DPH6: variants seen among roughly 807,000 people sequenced by gnomAD.
DPH6 encodes the protein diphthamine biosynthesis 6.
In DPH6, 33 loss-of-function variants were observed where a neutral mutation model predicts 38.2. That is an observed-to-expected ratio of 0.86 (90% confidence interval 0.65 to 1.15). The LOEUF (loss-of-function observed/expected upper bound fraction) is 1.15. Ranked by LOEUF, DPH6 falls within the 50% of genes most tolerant of loss-of-function variation. The pLI is 0.00. For synonymous variants in DPH6, 108 were observed against 103.0 expected (o/e 1.05, Z -0.30); for missense variants, 325 against 320.0 (o/e 1.02, Z -0.12).
intron 3 of DPH6, among the ~76,000 whole-genome samples, chr15:35,317,065 C>G (rs2052196108): frequency 6.6e-6 from 1 of 152,014 alleles, no homozygotes; most frequent in Non-Finnish European, 1.5e-5. Context: ...TGAGACAAGC[C>G]TGGGCAACAT....
chr15:35,301,012 A>G (rs1206037237), intron 3 of DPH6, among the ~76,000 whole-genome samples: 1 of 152,232 alleles, frequency 6.6e-6, no homozygotes, highest in African/African-American at 2.4e-5. Context: ...GTTATCTGAG[A>G]TTATTTCTTG....
intron 3 of DPH6, among the ~76,000 whole-genome samples, chr15:35,303,810 T>A (rs1035994989): frequency 1.3e-5 from 2 of 151,756 alleles, no homozygotes; most frequent in South Asian, 4.1e-4. Context: ...TAAAGAAGGA[T>A]ACTAATTTTC....
chr15:35,222,522 G>C (rs1262787330), intron 3 of DPH6, among the ~76,000 whole-genome samples: 1 of 152,088 alleles, frequency 6.6e-6, no homozygotes, highest in Admixed American at 6.6e-5. Context: ...GGTCTGGAAG[G>C]GTAGGACAAC....
At chr15:35,172,800 TC>T in the DPH6 span, among the ~76,000 whole-genome samples, 1 of 152,064 alleles carries the variant, frequency 6.6e-6, no homozygotes, top group Admixed American at 6.6e-5. Context: ...CAAGCGATCC[TC>T]CTGCCTCAGC....
At chr15:35,426,888 A>C (rs1037476325) in intron 5 of DPH6, among the ~76,000 whole-genome samples, 2 of 151,482 alleles carry the variant, frequency 1.3e-5, no homozygotes, top group African/African-American at 4.8e-5. Flanking sequence ...AACAACCTTG[A>C]AACAATTCCA....
At chr15:35,416,286 A>G (rs570371588) in intron 5 of DPH6, among the ~76,000 whole-genome samples, 1 of 152,200 alleles carries the variant, frequency 6.6e-6, no homozygotes, top group South Asian at 2.1e-4. Context: ...AACATTTCAC[A>G]TACATGAAAG....
chr15:35,261,182 C>T (rs1004537418), intron 3 of DPH6, among the ~76,000 whole-genome samples: 1 of 152,188 alleles, frequency 6.6e-6, no homozygotes, highest in Non-Finnish European at 1.5e-5. Context: ...TGCAGTTTCA[C>T]CAGCTTTTTA....
chr15:35,339,418 G>T (rs2140875482), intron 3 of DPH6, among the ~76,000 whole-genome samples: 1 of 151,964 alleles, frequency 6.6e-6, no homozygotes, highest in African/African-American at 2.4e-5. Flanking sequence ...TCTGCCTCCT[G>T]GATTCCAGCA....
At chr15:35,376,689 T>A (rs190944042) in intron 7 of DPH6, among the ~76,000 whole-genome samples, 26 of 152,222 alleles carry the variant, frequency 1.7e-4, no homozygotes, top group Admixed American at 5.2e-4. Context: ...ATTTAAAAAA[T>A]TTTTTATATC....
intron 3 of DPH6, among the ~76,000 whole-genome samples, chr15:35,499,067 C>A (rs1483262621): frequency 6.6e-6 from 1 of 151,932 alleles, no homozygotes; most frequent in African/African-American, 2.4e-5. Flanking sequence ...CATACTGCAA[C>A]CTCCTAGAGT....
rs181438674 is a variant in DPH6 at position 35,290,260 on chromosome 15, G to A, written n.201-69678C>T. Among the ~76,000 whole-genome samples, 23 of 152,312 alleles carry A rather than the reference G, an allele frequency of 1.5e-4. No homozygotes were observed. In the East Asian group the frequency reaches 4.2e-3, roughly 28 times the overall value. ...AGGTATTACAAAGAAGAGACAGGAA[G>A]ATCTTTAGCTTTCTACTTTACTTCC... On this transcript the variant is annotated intron_variant and non_coding_transcript_variant, in intron 3 of 3. Coordinates refer to the DPH6 transcript ENST00000560386.
intron 3 of DPH6, among the ~76,000 whole-genome samples, chr15:35,262,756 AT>A (rs1214578766): frequency 6.8e-6 from 1 of 146,604 alleles, no homozygotes; most frequent in Non-Finnish European, 1.5e-5. Context: ...ATGAATAGCC[AT>A]TTAGGTAAGA....
rs565057479 is a variant in DPH6, at chr15:35,484,881, A to G, written c.313-30061T>C. Among the ~76,000 whole-genome samples, 138 of 152,350 alleles carry G rather than the reference A, an allele frequency of 9.1e-4. 1 individual carries two copies. Among genetic ancestry groups the G allele is most frequent in the African/African-American group, 3.2e-3 (132 of 41,588 alleles). On this transcript the variant is annotated intron_variant, in intron 3 of 8. Coordinates refer to ENST00000256538, the MANE Select transcript of DPH6 (RefSeq NM_080650.4). ...AAACCTTTCATAATAAAACGTTTAA[A>G]TAGAAAGAGAAAATACTATTCTATT...
At chr15:35,180,692 G>C in the DPH6 span, among the ~76,000 whole-genome samples, 1 of 151,676 alleles carries the variant, frequency 6.6e-6, no homozygotes, top group African/African-American at 2.4e-5. Flanking sequence ...TGTTGCCCAG[G>C]CTGTGGACTG....
chr15:35,327,581 G>A (rs113545594), downstream of DPH6, among the ~76,000 whole-genome samples: 6 of 152,084 alleles, frequency 3.9e-5, no homozygotes, highest in East Asian at 1.9e-4. Flanking sequence ...TGCTGACCTC[G>A]TGATCTGCCC....
chr15:35,280,798 C>T lies in DPH6; in HGVS notation n.201-60216G>A, dbSNP rs191685386. Among the ~76,000 whole-genome samples, 377 of 152,174 alleles carry T rather than the reference C, an allele frequency of 2.5e-3. 1 individual carries two copies. The highest frequency in any genetic ancestry group is 4.4e-3 in the Non-Finnish European group (297 of 67,978). On this transcript the variant is annotated intron_variant and non_coding_transcript_variant, in intron 3 of 3. Coordinates refer to the DPH6 transcript ENST00000560386. ...AAGTCTCTCAATTTTATTCCTAGTT[C>T]TCATAACAAAGAATCAGTTTTCAAA...
At chr15:35,157,818 C>G in the DPH6 span, among the ~76,000 whole-genome samples, 1 of 152,068 alleles carries the variant, frequency 6.6e-6, no homozygotes, top group Non-Finnish European at 1.5e-5. Context: ...TTCTTCGTCA[C>G]TCTCCTTCTT....
Position 35,371,818 on chromosome 15 carries a change from GAGA to G in DPH6, c.*329_*331del, listed in dbSNP as rs963664916. ...TTGGTAGGGATTGGAGCAAGAAAGA[GAGA>G]AGGAGGAAAAGAAACTAGTGTGATA... On this transcript the variant is annotated 3_prime_UTR_variant, in exon 9 of 9. Transcript: ENST00000256538. 4.2e-5 allele frequency: 43 copies of G among 1,024,702 alleles called. 1 individual carries two copies. The African/African-American group carries it at 7.3e-4, about 17-fold the overall frequency. The allele number at this position is 1,024,702 out of a possible 1,614,324, so 63.5% of individuals were successfully genotyped here.
At chr15:35,341,220 A>G (rs946390581) in intron 3 of DPH6, among the ~76,000 whole-genome samples, 3 of 152,100 alleles carry the variant, frequency 2.0e-5, no homozygotes, top group Non-Finnish European at 2.9e-5. Flanking sequence ...TTTCAGCTCC[A>G]TCAAGTTGGT....
Sources: allele counts gnomAD v4.1 joint callset (sites outside exome capture counted in the v4.1 genomes callset), GRCh38; gene constraint gnomAD v4.1.1; transcripts MANE v1.5; gene names NCBI Gene and HGNC (gene_info 2026-07-23, HGNC 2026-07-21).